DEPDC5: variants seen among roughly 807,000 people sequenced by gnomAD.
DEPDC5 encodes GATOR1 complex protein DEPDC5.
DEPDC5 carries 73 observed loss-of-function variants against 217.3 expected under a neutral mutation model. The observed-to-expected ratio is 0.34, with a 90% CI of 0.28 to 0.41. The LOEUF (loss-of-function observed/expected upper bound fraction) is 0.41, where lower values mean the gene tolerates loss of function less well. Among genes scored for constraint, DEPDC5 ranks in the 10% least tolerant of loss-of-function variants. The probability of loss-of-function intolerance (pLI) is 1.00; values close to 1 mark genes in which losing one functional copy is unlikely to be tolerated. For missense variants in DEPDC5, 1,675 were observed against 2,070.1 expected (o/e 0.81, Z 3.70); for synonymous variants, 733 against 756.7 (o/e 0.97, Z 0.51).
chr22:31,784,897 A>G (rs2084825567), intron 10 of DEPDC5, 22 bp downstream of exon 10: 1 of 1,601,020 alleles, frequency 6.2e-7, no homozygotes, highest in South Asian at 1.1e-5. Context: ...CTTACACACT[A>G]AGTCTCATTA....
intron 12 of DEPDC5, among the ~76,000 whole-genome samples, chr22:31,793,681 T>G (rs1285637821): frequency 6.6e-6 from 1 of 152,072 alleles, no homozygotes; most frequent in Non-Finnish European, 1.5e-5. Flanking sequence ...GGGATTCTCG[T>G]TTCTCAGCCT....
At chr22:31,854,161 C>T (rs5998147) in intron 31 of DEPDC5, among the ~76,000 whole-genome samples, 1 of 152,122 alleles carries the variant, frequency 6.6e-6, no homozygotes, top group Admixed American at 6.5e-5. Flanking sequence ...ATGCATTGTA[C>T]CTGGTGGTTT....
intron 30 of DEPDC5, 96 bp from the exon 31 acceptor site, chr22:31,846,738 C>G: frequency 1.3e-6 from 2 of 1,568,646 alleles, no homozygotes; most frequent in South Asian, 1.1e-5. Flanking sequence ...ATGGGATTCC[C>G]GGGGCCTGGG....
chr22:31,904,733 G>A (rs1027947896), intron 41 of DEPDC5, among the ~76,000 whole-genome samples: 16 of 152,346 alleles, frequency 1.1e-4, no homozygotes, highest in African/African-American at 3.8e-4. Context: ...GACAGAGCAA[G>A]AGTAGAGAGG....
At chr22:31,791,987 G>T in intron 10 of DEPDC5, 46 bp from the exon 11 acceptor site, 1 of 975,030 alleles carries the variant, frequency 1.0e-6, no homozygotes. Flanking sequence ...TCATAGTGAA[G>T]TAAATGAAAC....
At chr22:31,792,891 C>A in intron 12 of DEPDC5, 74 bp downstream of exon 12, 1 of 1,307,320 alleles carries the variant, frequency 7.6e-7, no homozygotes, top group Non-Finnish European at 1.0e-6. Context: ...AATAAGTCAG[C>A]CTGGGCAACA....
In DEPDC5 at chr22:31,834,163, T is replaced by G. The variant is rs910036446; in HGVS notation, c.2170+183T>G. On this transcript the variant is annotated intron_variant, in intron 25 of 42. Coordinates refer to ENST00000651528, the MANE Select transcript of DEPDC5 (RefSeq NM_001242896.3). ...GACTCTGTGATGGAAAGTGAGGGGG[T>G]GTGTGACTGAATGACCTGTTTTGGA... 11 of 682,306 alleles carry G rather than the reference T, an allele frequency of 1.6e-5. 1 individual carries two copies. In the African/African-American group the frequency reaches 1.9e-4, roughly 12 times the overall value. The allele number at this position is 682,306 out of a possible 1,614,324, so 42.3% of individuals were successfully genotyped here.
chr22:31,794,573 A>C (rs928689201), intron 12 of DEPDC5, among the ~76,000 whole-genome samples: 10 of 152,106 alleles, frequency 6.6e-5, no homozygotes, highest in Admixed American at 2.0e-4. Flanking sequence ...CAAAAACAAT[A>C]CAGGTTCATT....
chr22:31,855,137 G>C (rs776737474), intron 31 of DEPDC5, among the ~76,000 whole-genome samples: 15 of 151,356 alleles, frequency 9.9e-5, no homozygotes, highest in Non-Finnish European at 2.1e-4. Context: ...GCTAATTTTT[G>C]TATTTTTAGT....
chr22:31,876,290 G>T, intron 37 of DEPDC5, 25 bp downstream of exon 37: 1 of 1,591,474 alleles, frequency 6.3e-7, no homozygotes, highest in Non-Finnish European at 8.6e-7. Flanking sequence ...GAATGCGGTT[G>T]CCCACAGGGG....
intron 24 of DEPDC5, among the ~76,000 whole-genome samples, chr22:31,826,142 G>T (rs2148862242): frequency 6.6e-6 from 1 of 152,172 alleles, no homozygotes; most frequent in South Asian, 2.1e-4. Flanking sequence ...AAGTAGCTGG[G>T]ATTACAGGTG....
In DEPDC5 at chr22:31,771,715, T is replaced by TCACACACACACA. The variant is rs55851105; in HGVS notation, c.413+2907_413+2918dup. 3.0e-3 allele frequency among the ~76,000 whole-genome samples: 235 copies of TCACACACACACA among 78,086 alleles called. 9 individuals carry two copies. Among genetic ancestry groups the TCACACACACACA allele is most frequent in the African/African-American group, 3.7e-3 (63 of 16,992 alleles). The allele number at this position is 78,086 out of a possible 152,430, so 51.2% of individuals were successfully genotyped here. A position where few individuals can be genotyped will look rare whatever the true frequency, so the allele number is the denominator to read the frequency against. On this transcript the variant is annotated intron_variant, in intron 7 of 42. Transcript: ENST00000651528. ...AGCCTGGTGACAGAGCAAGACTCCGTCACACACACACACACACACACACAC... is the reference window on the plus strand; with the variant it reads ...AGCCTGGTGACAGAGCAAGACTCCGTCACACACACACACACACACACACACACACACACACAC...
At chr22:31,818,897 T>C in intron 21 of DEPDC5, 125 bp from the exon 22 acceptor site, 1 of 933,054 alleles carries the variant, frequency 1.1e-6, no homozygotes, top group Non-Finnish European at 1.7e-6. Flanking sequence ...TGCTCATTTC[T>C]CTCACTCCCT....
At chr22:31,822,923 A>C (rs2148831541) in intron 24 of DEPDC5, 133 bp downstream of exon 24, 1 of 829,508 alleles carries the variant, frequency 1.2e-6, no homozygotes, top group East Asian at 2.7e-5. Context: ...TGACCTATTT[A>C]GAAACAGTGC....
At chr22:31,844,393 C>CA (rs1569085966) in intron 29 of DEPDC5, among the ~76,000 whole-genome samples, 1 of 151,928 alleles carries the variant, frequency 6.6e-6, no homozygotes, top group South Asian at 2.1e-4. Context: ...GACCTTGTCT[C>CA]AAAAAAATAA....
chr22:31,905,845 C>A (rs1603012959), intron 41 of DEPDC5, 139 bp from the exon 42 acceptor site: 1 of 728,068 alleles, frequency 1.4e-6, no homozygotes, highest in South Asian at 1.9e-5. Context: ...AAATAAGCAG[C>A]CTGCATGTGC....
At chr22:31,798,986 T>C (rs1330309108) in intron 14 of DEPDC5, among the ~76,000 whole-genome samples, 2 of 152,034 alleles carry the variant, frequency 1.3e-5, no homozygotes, top group East Asian at 3.9e-4. Context: ...GGATTGTTCA[T>C]CTTTGTGTAA....
intron 14 of DEPDC5, among the ~76,000 whole-genome samples, chr22:31,801,258 T>C (rs1199854738): frequency 6.6e-6 from 1 of 152,176 alleles, no homozygotes; most frequent in Non-Finnish European, 1.5e-5. Flanking sequence ...ATTGTGCCAC[T>C]GCATTCCAGC....
At chr22:31,783,766 C>A in intron 8 of DEPDC5, 141 bp from the exon 9 acceptor site, 1 of 598,446 alleles carries the variant, frequency 1.7e-6, no homozygotes, top group Non-Finnish European at 2.7e-6. Flanking sequence ...AATTTACCAT[C>A]TTAACCATTT....
Sources: gnomAD v4.1 joint callset for allele counts (sites outside exome capture counted in the v4.1 genomes callset) on GRCh38, gnomAD v4.1.1 for gene constraint, MANE v1.5 for transcripts, NCBI Gene and HGNC (gene_info 2026-07-23, HGNC 2026-07-21) for gene names.